Variants in AP3M1 observed in about 807,000 individuals in gnomAD.
AP3M1 encodes adaptor related protein complex 3 subunit mu 1.
In AP3M1, 29 loss-of-function variants were observed where a neutral mutation model predicts 42.6. That is an observed-to-expected ratio of 0.68 (90% CI 0.51 to 0.93). The LOEUF (loss-of-function observed/expected upper bound fraction) is 0.93. Among genes scored for constraint, AP3M1 ranks in the 40% least tolerant of loss-of-function variants. The pLI, the probability that AP3M1 is intolerant of heterozygous loss-of-function variation, is 0.00. For missense variants in AP3M1, 416 were observed against 510.2 expected (o/e 0.82, Z 1.78); for synonymous variants, 178 against 175.3 (o/e 1.02, Z -0.12).
rs753813466 is a variant in AP3M1 at position 74,138,262 on chromosome 10, C to T, written c.118G>A (p.Ala40Thr). The change falls in exon 2 of 9, where the codon GCT becomes ACT. Residue 40 changes from alanine to threonine, a missense_variant. Transcript: ENST00000355264. Reference protein sequence around the residue: ...DYFFEAQEKAADVENVPPVIS... With the variant: ...DYFFEAQEKATDVENVPPVIS... ...ACAGGTGGTACATTTTCAACATCAG[C>T]AGCTTTCTCTTGAGCTTCAAAGAAA... is the stretch of plus-strand genomic sequence containing the variant. 3 of 1,613,972 alleles carry T rather than the reference C, an allele frequency of 1.9e-6. No individual in the cohort carries two copies. The highest frequency in any genetic ancestry group is 1.1e-5 in the South Asian group (1 of 91,070).
intron 1 of AP3M1, among the ~76,000 whole-genome samples, chr10:74,143,385 G>C (rs1841219511): frequency 6.6e-6 from 1 of 152,144 alleles, no homozygotes; most frequent in Non-Finnish European, 1.5e-5. Flanking sequence ...CAGTAGCTGG[G>C]ATTACAGGTG....
In AP3M1 at chr10:74,122,764, C is replaced by T. The variant is rs991795606; in HGVS notation, c.*1046G>A. ...ATGAAAAGGGAATTTCCCCTAAAGA[C>T]AAGGAATGCAGACAAATTCAAACCC... On this transcript the variant is annotated 3_prime_UTR_variant, in exon 9 of 9. Coordinates refer to ENST00000355264, the MANE Select transcript of AP3M1 (RefSeq NM_012095.6). 17 of 152,256 alleles carry T rather than the reference C, an allele frequency of 1.1e-4. No homozygotes were observed. Among genetic ancestry groups the T allele is most frequent in the African/African-American group, 3.9e-4 (16 of 41,536 alleles). 9.4% of individuals were successfully genotyped at this position (152,256 alleles called of 1,614,324 possible). A position where few individuals can be genotyped will look rare whatever the true frequency, so the allele number is the denominator to read the frequency against.
At chr10:74,130,847 A>G (rs1840758714) in intron 4 of AP3M1, among the ~76,000 whole-genome samples, 1 of 152,150 alleles carries the variant, frequency 6.6e-6, no homozygotes, top group South Asian at 2.1e-4. Context: ...GCAGTGGCTC[A>G]TGCCTGTAAT....
intron 1 of AP3M1, among the ~76,000 whole-genome samples, chr10:74,148,252 A>G (rs1841390458): frequency 1.3e-5 from 2 of 152,100 alleles, no homozygotes; most frequent in Admixed American, 1.3e-4. Flanking sequence ...AGAGGGAAAA[A>G]CGGAAAGAGG....
intron 6 of AP3M1, among the ~76,000 whole-genome samples, chr10:74,128,617 C>G (rs534184871): frequency 2.0e-5 from 3 of 152,056 alleles, no homozygotes; most frequent in African/African-American, 4.8e-5. Context: ...AATGTCCTCA[C>G]GAACTACAGG....
At chr10:74,140,813 G>T (rs2131991062) in intron 1 of AP3M1, among the ~76,000 whole-genome samples, 1 of 152,202 alleles carries the variant, frequency 6.6e-6, no homozygotes, top group African/African-American at 2.4e-5. Flanking sequence ...TCAACAAATG[G>T]TACTGGAACA....
intron 1 of AP3M1, among the ~76,000 whole-genome samples, chr10:74,139,394 G>A (rs1017874293): frequency 6.6e-6 from 1 of 151,448 alleles, no homozygotes; most frequent in Non-Finnish European, 1.5e-5. Flanking sequence ...AAGGAGGATT[G>A]CTTGAGCTCA....
intron 7 of AP3M1, 53 bp from the exon 8 acceptor site, chr10:74,124,577 C>T (rs1261780395): frequency 1.4e-6 from 2 of 1,461,922 alleles, no homozygotes; most frequent in Non-Finnish European, 9.2e-7. Context: ...AAAGACAAAC[C>T]CTCAAAAACA....
At chr10:74,126,418 C>T in intron 6 of AP3M1, 63 bp from the exon 7 acceptor site, 1 of 1,346,476 alleles carries the variant, frequency 7.4e-7, no homozygotes, top group Non-Finnish European at 1.0e-6. Flanking sequence ...GGGGAGAGCT[C>T]CAGAGGTATC....
At chr10:74,149,383 G>A (rs569102259) in intron 1 of AP3M1, among the ~76,000 whole-genome samples, 14 of 144,320 alleles carry the variant, frequency 9.7e-5, no homozygotes, top group East Asian at 2.1e-4. Context: ...TCCGCCTCCC[G>A]GGTTCAAGGG....
chr10:74,124,349 A>G (rs1250689024), intron 8 of AP3M1, 31 bp downstream of exon 8: 18 of 1,574,414 alleles, frequency 1.1e-5, no homozygotes, highest in African/African-American at 1.4e-5. Context: ...AAACTCAATT[A>G]CCCTTAACTA....
intron 1 of AP3M1, among the ~76,000 whole-genome samples, chr10:74,149,530 C>T (rs577165824): frequency 1.3e-5 from 2 of 151,828 alleles, no homozygotes; most frequent in South Asian, 2.1e-4. Flanking sequence ...CTTTGTGATC[C>T]GCCCGCTTCA....
chr10:74,135,661 C>T (rs879802127), intron 3 of AP3M1, among the ~76,000 whole-genome samples: 1 of 152,078 alleles, frequency 6.6e-6, no homozygotes, highest in African/African-American at 2.4e-5. Flanking sequence ...TTTAACGTTA[C>T]ATCATGTGTA....
intron 8 of AP3M1, 54 bp downstream of exon 8, chr10:74,124,322 TAATA>T (rs1840552763): frequency 6.4e-7 from 1 of 1,553,804 alleles, no homozygotes; most frequent in African/African-American, 1.4e-5. Context: ...TCTAAATGCC[TAATA>T]AATGAGCTTG....
chr10:74,128,939 C>T (rs1000915401), intron 6 of AP3M1, 169 bp downstream of exon 6: 8 of 669,564 alleles, frequency 1.2e-5, no homozygotes, highest in African/African-American at 1.8e-5. Context: ...TCAAAGTATA[C>T]GGATTATTTT....
At chr10:74,148,219 A>T (rs1159740870) in intron 1 of AP3M1, among the ~76,000 whole-genome samples, 2 of 152,156 alleles carry the variant, frequency 1.3e-5, no homozygotes, top group Non-Finnish European at 2.9e-5. Context: ...GTGTGAATAG[A>T]GGGGGAAAAG....
intron 3 of AP3M1, 67 bp from the exon 4 acceptor site, chr10:74,134,231 G>T: frequency 6.7e-7 from 1 of 1,481,596 alleles, no homozygotes. Context: ...TTATTACTAG[G>T]AAAAAAAAAG....
chr10:74,129,030 A>G (rs1564545094), intron 6 of AP3M1, 78 bp downstream of exon 6: 4 of 1,561,250 alleles, frequency 2.6e-6, no homozygotes, highest in South Asian at 2.4e-5. Context: ...CAAGTACTCA[A>G]CTTTCAGAAA....
chr10:74,141,298 T>C (rs7094001), intron 1 of AP3M1, among the ~76,000 whole-genome samples: 150,701 of 152,228 alleles, frequency 0.99, 74,674 homozygotes, highest in Middle Eastern at 1. Flanking sequence ...TAGTGGCTCA[T>C]ACCTGTAGTC....
Sources: gnomAD v4.1 joint callset for allele counts (sites outside exome capture counted in the v4.1 genomes callset) on GRCh38, gnomAD v4.1.1 for gene constraint, MANE v1.5 for transcripts, NCBI Gene and HGNC (gene_info 2026-07-23, HGNC 2026-07-21) for gene names.